RALGAPA2: variants seen among roughly 807,000 people sequenced by gnomAD.
RALGAPA2 encodes the protein Ral GTPase activating protein catalytic subunit alpha 2.
A neutral mutation model predicts 230.4 loss-of-function variants in RALGAPA2; 139 were observed. The observed-to-expected ratio is 0.60, with a 90% CI of 0.53 to 0.69. The LOEUF is 0.69. Among genes scored for constraint, RALGAPA2 ranks in the 30% least tolerant of loss-of-function variants. The pLI, the probability that RALGAPA2 is intolerant of heterozygous loss-of-function variation, is 0.00. For missense variants in RALGAPA2, 2,163 were observed against 2,276.0 expected (o/e 0.95, Z 1.01); for synonymous variants, 847 against 837.8 (o/e 1.01, Z -0.19).
At chr20:20,702,943 C>A (rs780874959) in intron 1 of RALGAPA2, among the ~76,000 whole-genome samples, 1 of 152,108 alleles carries the variant, frequency 6.6e-6, no homozygotes, top group Non-Finnish European at 1.5e-5. Flanking sequence ...GAGGCCGAGG[C>A]GGACTAATCA....
At chr20:20,420,484 GAA>G (rs971890957) in intron 37 of RALGAPA2, among the ~76,000 whole-genome samples, 3 of 152,196 alleles carry the variant, frequency 2.0e-5, no homozygotes, top group Non-Finnish European at 4.4e-5. Context: ...GAAGAGGTAA[GAA>G]TGCTACTTGC....
intron 12 of RALGAPA2, among the ~76,000 whole-genome samples, chr20:20,618,282 G>C (rs1221097692): frequency 3.9e-5 from 6 of 152,312 alleles, no homozygotes; most frequent in Admixed American, 2.0e-4. Context: ...GCTACTGAGG[G>C]ACAAAGGGCA....
At chr20:20,394,171 C>T (rs564231791) in intron 39 of RALGAPA2, among the ~76,000 whole-genome samples, 4 of 152,198 alleles carry the variant, frequency 2.6e-5, no homozygotes, top group South Asian at 2.1e-4. Flanking sequence ...TATTCACAGA[C>T]GCATCTTTTT....
intron 1 of RALGAPA2, among the ~76,000 whole-genome samples, chr20:20,685,899 C>T (rs1240112058): frequency 6.6e-6 from 1 of 152,146 alleles, no homozygotes; most frequent in Non-Finnish European, 1.5e-5. Flanking sequence ...TGGCTTACTA[C>T]TATTACAGAA....
rs559670489 is a variant in RALGAPA2, at chr20:20,483,477, C to T, written c.5368-10521G>A. Among the ~76,000 whole-genome samples the T allele has an allele frequency of 2.6e-5, 4 of 152,264 alleles. No homozygotes were observed. The South Asian group carries it at 6.2e-4, about 24-fold the overall frequency. On this transcript the variant is annotated intron_variant, in intron 36 of 39. Coordinates refer to ENST00000202677, the MANE Select transcript of RALGAPA2 (RefSeq NM_020343.4). The stretch of plus-strand genomic sequence containing the variant: ...ATGTAAGTGCCTGGCCAAGGACAGT[C>T]GCCCTGAGAAGCTTGGCCCCAGCTG...
intron 16 of RALGAPA2, among the ~76,000 whole-genome samples, chr20:20,591,711 C>T (rs1208535641): frequency 6.6e-6 from 1 of 151,950 alleles, no homozygotes; most frequent in Non-Finnish European, 1.5e-5. Context: ...CACACACATA[C>T]ACCCTGAAGG....
intron 10 of RALGAPA2, among the ~76,000 whole-genome samples, chr20:20,627,996 T>C (rs1209862445): frequency 6.6e-6 from 1 of 152,010 alleles, no homozygotes; most frequent in African/African-American, 2.4e-5. Context: ...GGCCAAGACA[T>C]GAAACAGAGA....
Position 20,712,268 on chromosome 20 carries a change from A to AAACCCCCCCC in RALGAPA2, c.106+106_106+107insGGGGGGGGTT. On this transcript the variant is annotated intron_variant, in intron 1 of 39. Transcript: ENST00000202677. The surrounding 1 kb of genome is among the most constrained non-coding windows in gnomAD (Gnocchi z 5.5). ...AGGGAAGGGGGTCGGACGCCCACCC[A>AAACCCCCCCC]TCCCCCTCCCCAGCCTCCCAGCCAC... 2.9e-6 allele frequency: 1 copy of AAACCCCCCCC among 346,922 alleles called. No individual in the cohort carries two copies. Among genetic ancestry groups the AAACCCCCCCC allele is most frequent in the Non-Finnish European group, 5.5e-6 (1 of 182,696 alleles). 21.5% of individuals were successfully genotyped at this position (346,922 alleles called of 1,614,324 possible). A position where few individuals can be genotyped will look rare whatever the true frequency, so the allele number is the denominator to read the frequency against.
chr20:20,425,249 G>C (rs960157596), intron 37 of RALGAPA2, among the ~76,000 whole-genome samples: 44 of 152,110 alleles, frequency 2.9e-4, no homozygotes, highest in African/African-American at 1.0e-3. Context: ...TTAGGCCCAC[G>C]TGAAATCAGA....
chr20:20,417,097 C>T (rs776356802), intron 37 of RALGAPA2, among the ~76,000 whole-genome samples: 6 of 152,200 alleles, frequency 3.9e-5, no homozygotes, highest in Admixed American at 6.5e-5. Context: ...CCACCTGGGA[C>T]GCTTCAGCCA....
At chr20:20,661,498 T>C (rs972245313) in intron 3 of RALGAPA2, among the ~76,000 whole-genome samples, 1 of 152,176 alleles carries the variant, frequency 6.6e-6, no homozygotes, top group African/African-American at 2.4e-5. Flanking sequence ...AGAAAAACAA[T>C]GCAAATGATA....
intron 37 of RALGAPA2, among the ~76,000 whole-genome samples, chr20:20,469,653 T>C (rs930935381): frequency 1.3e-5 from 2 of 152,194 alleles, no homozygotes; most frequent in African/African-American, 2.4e-5. Context: ...ACACTGCATA[T>C]TGTGTGGCAA....
At chr20:20,562,482 T>C (rs887074356) in intron 23 of RALGAPA2, among the ~76,000 whole-genome samples, 3 of 152,236 alleles carry the variant, frequency 2.0e-5, no homozygotes, top group Non-Finnish European at 4.4e-5. Flanking sequence ...TTATGCTTTA[T>C]TTCACGTAGC....
intron 37 of RALGAPA2, among the ~76,000 whole-genome samples, chr20:20,467,562 C>CATTG (rs151295621): frequency 0.014 from 2,181 of 152,084 alleles, 42 homozygotes; most frequent in African/African-American, 0.045. Context: ...GTGCAAGAGC[C>CATTG]ATTGATTGAT....
At chr20:20,604,402 T>C (rs2065753843) in intron 15 of RALGAPA2, among the ~76,000 whole-genome samples, 1 of 152,218 alleles carries the variant, frequency 6.6e-6, no homozygotes, top group African/African-American at 2.4e-5. Context: ...TACCCAGAAA[T>C]ACAACAAAGC....
chr20:20,549,147 A>C (rs1361971108), intron 23 of RALGAPA2, among the ~76,000 whole-genome samples: 2 of 152,176 alleles, frequency 1.3e-5, no homozygotes, highest in Non-Finnish European at 2.9e-5. Flanking sequence ...ATGCTTTTCT[A>C]GGCTAAATTT....
chr20:20,576,216 A>G lies in RALGAPA2; in HGVS notation c.2708-3148T>C, dbSNP rs562589665. Among the ~76,000 whole-genome samples, 6 of 152,254 alleles carry G rather than the reference A, an allele frequency of 3.9e-5. No individual in the cohort carries two copies. The South Asian group carries it at 1.2e-3, about 32-fold the overall frequency. On this transcript the variant is annotated intron_variant, in intron 20 of 39. Coordinates refer to ENST00000202677, the MANE Select transcript of RALGAPA2 (RefSeq NM_020343.4). ...TATTAACATCTTATATTCGAATGGA[A>G]TATTTATTACAACAAACCAATACTA...
chr20:20,617,456 T>C (rs1257967201), intron 12 of RALGAPA2, among the ~76,000 whole-genome samples: 4 of 152,196 alleles, frequency 2.6e-5, no homozygotes, highest in Non-Finnish European at 4.4e-5. Context: ...AAAGAGCTTT[T>C]TGATTACAGC....
intron 16 of RALGAPA2, among the ~76,000 whole-genome samples, chr20:20,593,412 A>G (rs2065354280): frequency 6.6e-6 from 1 of 152,258 alleles, no homozygotes; most frequent in Non-Finnish European, 1.5e-5. Flanking sequence ...CACATCCCAA[A>G]GTACAGACTA....
Sources: allele counts gnomAD v4.1 joint callset (sites outside exome capture counted in the v4.1 genomes callset), GRCh38; gene constraint gnomAD v4.1.1; non-coding constraint Gnocchi (gnomAD v3.1); transcripts MANE v1.5; gene names NCBI Gene and HGNC (gene_info 2026-07-23, HGNC 2026-07-21).